Variants in FLACC1 observed in about 807,000 individuals in gnomAD.
The protein encoded by FLACC1 is flagellum-associated coiled-coil domain-containing protein 1.
FLACC1 carries 66 observed loss-of-function variants against 62.8 expected under a neutral mutation model. That is an observed-to-expected ratio of 1.05 (90% CI 0.86 to 1.29). The LOEUF (loss-of-function observed/expected upper bound fraction) is 1.29, where lower values mean the gene tolerates loss of function less well. FLACC1 is among the 50% of genes most tolerant of loss of function. FLACC1 has a pLI of 0.00. For missense variants in FLACC1, 452 were observed against 489.1 expected, an observed-to-expected ratio of 0.92 and a Z score of 0.71; for synonymous variants, 156 against 161.0, an observed-to-expected ratio of 0.97 and a Z score of 0.24.
intron 12 of FLACC1, among the ~76,000 whole-genome samples, chr2:201,295,405 T>C (rs1949837167): frequency 6.6e-6 from 1 of 152,102 alleles, no homozygotes; most frequent in Non-Finnish European, 1.5e-5. Context: ...AAACAAGAAA[T>C]GGGGAAAGGA....
At chr2:201,323,341 C>T (rs952631018) in intron 9 of FLACC1, among the ~76,000 whole-genome samples, 6 of 152,118 alleles carry the variant, frequency 3.9e-5, no homozygotes, top group Admixed American at 3.9e-4. Context: ...AGCAGTAAGA[C>T]AAAAGCATCA....
intron 12 of FLACC1, among the ~76,000 whole-genome samples, chr2:201,298,283 G>C (rs1256719811): frequency 2.0e-5 from 3 of 152,288 alleles, no homozygotes; most frequent in South Asian, 4.1e-4. Context: ...TAAAAAGCAA[G>C]GCTTGAAAGG....
At chr2:201,351,582 G>A in intron 1 of FLACC1, 131 bp from the exon 2 acceptor site, 1 of 597,606 alleles carries the variant, frequency 1.7e-6, no homozygotes, top group Non-Finnish European at 3.0e-6. Flanking sequence ...TCTGGTGCAG[G>A]GTCTTGACTA....
chr2:201,338,703 T>G (rs1047192290), intron 7 of FLACC1, among the ~76,000 whole-genome samples: 5 of 152,236 alleles, frequency 3.3e-5, no homozygotes, highest in Non-Finnish European at 5.9e-5. Context: ...TGATGTTATA[T>G]ATCATGTTTA....
At chr2:201,305,851 G>T (rs763469223) in intron 11 of FLACC1, among the ~76,000 whole-genome samples, 2 of 151,348 alleles carry the variant, frequency 1.3e-5, no homozygotes, top group African/African-American at 2.4e-5. Flanking sequence ...ACCAAACACC[G>T]TGTGTTCTCA....
chr2:201,290,702 C>A (rs1949713769), intron 12 of FLACC1, among the ~76,000 whole-genome samples: 1 of 152,118 alleles, frequency 6.6e-6, no homozygotes, highest in Admixed American at 6.5e-5. Flanking sequence ...GGGTGCAGTG[C>A]ACTGAGCATG....
At chr2:201,362,335 T>TC (rs1951192434), upstream of FLACC1, among the ~76,000 whole-genome samples, 1 of 152,192 alleles carries the variant, frequency 6.6e-6, no homozygotes, top group Admixed American at 6.5e-5. Context: ...AAAAACAGTT[T>TC]CTTTTTTTTT....
At chr2:201,295,706 C>CCATCAGAGTGAA (rs1414184635) in intron 12 of FLACC1, among the ~76,000 whole-genome samples, 1 of 152,080 alleles carries the variant, frequency 6.6e-6, no homozygotes, top group Non-Finnish European at 1.5e-5. Context: ...AAAGAAACTA[C>CCATCAGAGTGAA]CATCAGAGTG....
intron 9 of FLACC1, among the ~76,000 whole-genome samples, chr2:201,322,415 C>A (rs559170681): frequency 3.3e-5 from 5 of 152,222 alleles, no homozygotes; most frequent in African/African-American, 1.2e-4. Flanking sequence ...ATTGCTACTA[C>A]AACCAGCATC....
At chr2:201,309,925 A>AAAAAAAAAAAAATAAAAAAAAG (rs764506462) in intron 9 of FLACC1, among the ~76,000 whole-genome samples, 1 of 99,392 alleles carries the variant, frequency 1.0e-5, no homozygotes, top group Non-Finnish European at 2.3e-5. Flanking sequence ...AAAAAAAAAA[A>AAAAAAAAAAAAATAAAAAAAAG]AAGAAGAAGA....
Position 201,326,703 on chromosome 2 carries a change from T to TG in FLACC1, c.675+3766dup, listed in dbSNP as rs1307809650. ...CAAATGGAAATGCATTCTATGCTCA[T>TG]GGATTGGAAGAATCAACGTTGTGAA... On this transcript the variant is annotated intron_variant, in intron 9 of 14. Transcript: ENST00000392257. The surrounding 1 kb of genome is among the most constrained non-coding windows in gnomAD (Gnocchi z 4.1). Among the ~76,000 whole-genome samples the TG allele has an allele frequency of 6.6e-6, 1 of 152,212 alleles. No individual in the cohort carries two copies. Among genetic ancestry groups the TG allele is most frequent in the Non-Finnish European group, 1.5e-5 (1 of 68,038 alleles).
chr2:201,332,811 T>A (rs1413841299), intron 7 of FLACC1, among the ~76,000 whole-genome samples: 1 of 151,852 alleles, frequency 6.6e-6, no homozygotes, highest in South Asian at 2.1e-4. Flanking sequence ...TATGTGGTAT[T>A]TGTCTTCCTG....
At chr2:201,342,804 G>A (rs1212249906) in intron 6 of FLACC1, among the ~76,000 whole-genome samples, 1 of 152,176 alleles carries the variant, frequency 6.6e-6, no homozygotes, top group Non-Finnish European at 1.5e-5. Context: ...TTGAACAAAA[G>A]GCTTGGCTTG....
At chr2:201,358,603 G>C (rs1200398859), upstream of FLACC1, among the ~76,000 whole-genome samples, 2 of 151,746 alleles carry the variant, frequency 1.3e-5, no homozygotes, top group African/African-American at 4.8e-5. Flanking sequence ...ATTTTTAGTA[G>C]AGACGGGGTT....
At chr2:201,294,310 A>G (rs1241054867) in intron 12 of FLACC1, among the ~76,000 whole-genome samples, 1 of 152,250 alleles carries the variant, frequency 6.6e-6, no homozygotes, top group Non-Finnish European at 1.5e-5. Context: ...GCACATCAAA[A>G]AGCTTATCCA....
At chr2:201,352,157 T>C (rs1164763703) in intron 1 of FLACC1, 44 of 152,128 alleles carry the variant, frequency 2.9e-4, no homozygotes, top group Admixed American at 2.9e-3. Context: ...CCAAGCTCCT[T>C]CCTTTCCAGC....
Position 201,346,805 on chromosome 2 carries a change from G to C in FLACC1, c.235-130C>G. On this transcript the variant is annotated intron_variant, in intron 4 of 14. Coordinates refer to ENST00000392257, the MANE Select transcript of FLACC1 (RefSeq NM_001127391.3). This position sits in a 1 kb window ranked among gnomAD's most constrained non-coding sequence, Gnocchi z 4.0. ...GACTCCACAGCCCAAGCCCTTCTGG[G>C]CCCTTCACCCATTATAGCTCATTCT... 1 of 1,127,978 alleles carries C rather than the reference G, an allele frequency of 8.9e-7. No homozygotes were observed. The highest frequency in any genetic ancestry group is 2.3e-5 in the Admixed American group (1 of 43,604). The allele number at this position is 1,127,978 out of a possible 1,614,324, so 69.9% of individuals were successfully genotyped here. A position where few individuals can be genotyped will look rare whatever the true frequency, so the allele number is the denominator to read the frequency against.
At chr2:201,345,699 A>G (rs1199837427) in intron 5 of FLACC1, among the ~76,000 whole-genome samples, 1 of 152,164 alleles carries the variant, frequency 6.6e-6, no homozygotes, top group Non-Finnish European at 1.5e-5. Context: ...ATGAATCTGC[A>G]TCTGTTAATG....
intron 1 of FLACC1, among the ~76,000 whole-genome samples, chr2:201,353,680 T>C (rs1473547897): frequency 6.6e-6 from 1 of 152,176 alleles, no homozygotes; most frequent in Non-Finnish European, 1.5e-5. Context: ...GTCTGCTTCC[T>C]GGGTTCAAGC....
Sources: gnomAD v4.1 joint callset for allele counts (sites outside exome capture counted in the v4.1 genomes callset) on GRCh38, gnomAD v4.1.1 for gene constraint, Gnocchi (gnomAD v3.1) non-coding constraint, MANE v1.5 for transcripts, NCBI Gene and HGNC (gene_info 2026-07-23, HGNC 2026-07-21) for gene names.